Variants in BTG4 observed in about 807,000 individuals in gnomAD.
The protein encoded by BTG4 is protein BTG4.
A neutral mutation model predicts 19.3 loss-of-function variants in BTG4; 10 were observed. The observed-to-expected ratio is 0.52, with a 90% CI of 0.32 to 0.88. BTG4 has a LOEUF of 0.88. Among genes scored for constraint, BTG4 ranks in the 40% least tolerant of loss-of-function variants. The pLI is 0.04. For missense variants in BTG4, 238 were observed against 281.9 expected (o/e 0.84, Z 1.11); for synonymous variants, 91 against 95.7 (o/e 0.95, Z 0.29).
chr11:111,469,476 T>A (rs1313555112), intron 5 of BTG4: 2 of 152,222 alleles, frequency 1.3e-5, no homozygotes, highest in African/African-American at 4.8e-5. Context: ...CTTTGGTTCC[T>A]CCTGCCTGGC....
chr11:111,459,420 C>T, the BTG4 span, among the ~76,000 whole-genome samples: 4,432 of 152,296 alleles, frequency 0.029, 84 homozygotes, highest in Non-Finnish European at 0.04. Flanking sequence ...TTCCCACTTG[C>T]TTCTTCCAAA....
rs529294513 is a variant in BTG4 at position 111,471,719 on chromosome 11, C to T, written c.663-4038G>A. Among the ~76,000 whole-genome samples the T allele has an allele frequency of 1.1e-4, 17 of 152,290 alleles. No individual in the cohort carries two copies. In the South Asian group the frequency reaches 3.5e-3, roughly 32 times the overall value. ...ATGTCAATGACCCTCAAATTTCTAT[C>T]TTCAACCCCAATTCTCTAACCCATA... On this transcript the variant is annotated intron_variant, in intron 5 of 5. Coordinates refer to the BTG4 transcript ENST00000356018.
intron 5 of BTG4, among the ~76,000 whole-genome samples, chr11:111,470,244 G>A (rs1011145810): frequency 5.9e-5 from 9 of 152,102 alleles, no homozygotes; most frequent in East Asian, 3.9e-4. Context: ...CCACCATCCC[G>A]GCAAATTTTC....
the BTG4 span, among the ~76,000 whole-genome samples, chr11:111,434,238 C>T: frequency 6.6e-6 from 1 of 152,226 alleles, no homozygotes; most frequent in Non-Finnish European, 1.5e-5. Context: ...AGGATGAACT[C>T]ATGCCCTTTG....
chr11:111,446,943 C>A, the BTG4 span, among the ~76,000 whole-genome samples: 5 of 152,186 alleles, frequency 3.3e-5, no homozygotes, highest in Non-Finnish European at 5.9e-5. Flanking sequence ...TATCCAAATG[C>A]ACTCTGGATT....
the BTG4 span, among the ~76,000 whole-genome samples, chr11:111,406,589 G>A: frequency 6.6e-6 from 1 of 152,126 alleles, no homozygotes; most frequent in Non-Finnish European, 1.5e-5. Context: ...ATTCCCTGGG[G>A]GAAAAAACAT....
intron 5 of BTG4, among the ~76,000 whole-genome samples, chr11:111,474,891 CTG>C (rs1864310088): frequency 6.6e-6 from 1 of 152,058 alleles, no homozygotes; most frequent in African/African-American, 2.4e-5. Flanking sequence ...ACCAATGAAA[CTG>C]AGTGTTTTTC....
At chr11:111,513,603 T>TATTA (rs1392554710), upstream of BTG4, 1 of 426,414 alleles carries the variant, frequency 2.3e-6, no homozygotes, top group African/African-American at 2.0e-5. Flanking sequence ...ATCCATTGCC[T>TATTA]ATTAATTGCT....
downstream of BTG4, among the ~76,000 whole-genome samples, chr11:111,490,025 A>T (rs890184135): frequency 4.6e-5 from 7 of 151,970 alleles, no homozygotes; most frequent in African/African-American, 1.5e-4. Flanking sequence ...TAATCCCAGC[A>T]CTTTGGGAGG....
At chr11:111,425,448 C>T in the BTG4 span, among the ~76,000 whole-genome samples, 1 of 152,102 alleles carries the variant, frequency 6.6e-6, no homozygotes, top group Non-Finnish European at 1.5e-5. Context: ...TTTAAGGAGC[C>T]TGGGGACTTG....
At chr11:111,444,201 G>A in the BTG4 span, among the ~76,000 whole-genome samples, 72,692 of 149,876 alleles carry the variant, frequency 0.49, 18,035 homozygotes, top group Admixed American at 0.57. Context: ...GTGTGTGTGT[G>A]TGTGTGTGTA....
At chr11:111,417,059 G>C in the BTG4 span, 1 of 152,208 alleles carries the variant, frequency 6.6e-6, no homozygotes, top group Non-Finnish European at 1.5e-5. Flanking sequence ...TCACGCCCCA[G>C]TGCAGCCCAC....
the BTG4 span, among the ~76,000 whole-genome samples, chr11:111,399,837 A>T: frequency 6.6e-6 from 1 of 152,188 alleles, no homozygotes; most frequent in Non-Finnish European, 1.5e-5. Context: ...GATGGGATGC[A>T]GGGAAGTGAC....
chr11:111,398,031 T>C, the BTG4 span: 3 of 152,222 alleles, frequency 2.0e-5, no homozygotes, highest in African/African-American at 4.8e-5. Context: ...CTCTCACTTG[T>C]AGTCTGTGGC....
At chr11:111,472,217 A>G (rs1035513539) in intron 5 of BTG4, among the ~76,000 whole-genome samples, 3 of 152,178 alleles carry the variant, frequency 2.0e-5, no homozygotes, top group African/African-American at 7.2e-5. Context: ...ATGAGGCCTT[A>G]TATCTCACTC....
chr11:111,467,409 GTA>G, downstream of BTG4: 1 of 399,328 alleles, frequency 2.5e-6, no homozygotes, highest in Non-Finnish European at 4.4e-6. Flanking sequence ...CCATTTTCCT[GTA>G]TACTAAGCCT....
chr11:111,477,427 A>C (rs1198383338), intron 5 of BTG4, among the ~76,000 whole-genome samples: 2 of 152,152 alleles, frequency 1.3e-5, no homozygotes, highest in African/African-American at 4.8e-5. Flanking sequence ...CTATTATCAA[A>C]AAAGACCCTT....
At chr11:111,511,392 G>A (rs1866899530) in intron 1 of BTG4, among the ~76,000 whole-genome samples, 2 of 152,216 alleles carry the variant, frequency 1.3e-5, no homozygotes, top group African/African-American at 4.8e-5. Context: ...AGTTTGTATT[G>A]AATGATCCAG....
chr11:111,446,984 C>G, the BTG4 span, among the ~76,000 whole-genome samples: 1 of 152,200 alleles, frequency 6.6e-6, no homozygotes, highest in Non-Finnish European at 1.5e-5. Context: ...AAGAATGTAG[C>G]TCCTGGAAGC....
Sources: allele counts gnomAD v4.1 joint callset (sites outside exome capture counted in the v4.1 genomes callset), GRCh38; gene constraint gnomAD v4.1.1; transcripts MANE v1.5; gene names NCBI Gene and HGNC (gene_info 2026-07-23, HGNC 2026-07-21).